Variants in TASOR observed in about 807,000 individuals in gnomAD.
TASOR encodes protein TASOR.
Under a neutral mutation model 178.6 loss-of-function variants are expected in TASOR, and 53 were observed. That is an observed-to-expected ratio of 0.30 (90% confidence interval 0.24 to 0.37). TASOR has a LOEUF of 0.37. TASOR is among the 10% of genes least tolerant of loss of function. The pLI is 1.00. For missense variants in TASOR, 1,815 were observed against 1,971.4 expected (o/e 0.92, Z 1.50); for synonymous variants, 713 against 696.2 (o/e 1.02, Z -0.38).
At chr3:56,650,258 T>G (rs766765561) in intron 11 of TASOR, among the ~76,000 whole-genome samples, 1 of 152,168 alleles carries the variant, frequency 6.6e-6, no homozygotes, top group Non-Finnish European at 1.5e-5. Flanking sequence ...AACTAATAAT[T>G]CAGAGGACAA....
chr3:56,680,066 A>T (rs1264036394), intron 1 of TASOR, among the ~76,000 whole-genome samples: 1 of 152,196 alleles, frequency 6.6e-6, no homozygotes, highest in Non-Finnish European at 1.5e-5. Flanking sequence ...TTTGTTACTA[A>T]CAGGTCAGGT....
chr3:56,642,534 A>C (rs148844837), intron 14 of TASOR, among the ~76,000 whole-genome samples: 1 of 152,334 alleles, frequency 6.6e-6, no homozygotes, highest in Admixed American at 6.5e-5. Context: ...CACAACAAAA[A>C]TAAATGTCAG....
At chr3:56,670,276 T>TTA (rs2030541603) in intron 3 of TASOR, 131 bp from the exon 4 acceptor site, 1 of 509,140 alleles carries the variant, frequency 2.0e-6, no homozygotes, top group African/African-American at 2.0e-5. Flanking sequence ...CACAGAAATC[T>TTA]TATATATTTG....
Position 56,624,517 on chromosome 3 carries a change from G to A in TASOR, c.4445C>T (p.Pro1482Leu). 6.2e-7 allele frequency: 1 copy of A among 1,613,990 alleles called. No individual in the cohort carries two copies. The highest frequency in any genetic ancestry group is 8.5e-7 in the Non-Finnish European group (1 of 1,179,960). The change falls in exon 23 of 24, where the codon CCA becomes CTA. Residue 1482 changes from proline (P) to leucine (L), a missense_variant. By Grantham distance (98) the Pro-to-Leu change is moderately conservative. Around this residue, in one of 5 missense-constraint regions of TASOR, gnomAD observed 278 missense variants for 257.1 expected, o/e 1.08. Coordinates refer to ENST00000683822, the MANE Select transcript of TASOR (RefSeq NM_001365635.2). ...AAGATTCTCATTAGCACCAAGCTGT[G>A]GAAGGTTTTCTTCTGTGATTGAATT... ...YHNSITEENL[P>L]QLGANENLES...
chr3:56,621,575 C>G lies in TASOR; in HGVS notation c.*1462G>C. The G allele has an allele frequency of 6.2e-7, 1 of 1,602,050 alleles. No individual in the cohort carries two copies. Among genetic ancestry groups the G allele is most frequent in the Non-Finnish European group, 8.5e-7 (1 of 1,174,636 alleles). ...AAGGAGTTGGAAAGTAGTCTCCTGC[C>G]TTTAGCTGAAAATCAAGAAGAGAGT... On this transcript the variant is annotated 3_prime_UTR_variant, in exon 24 of 24. Transcript: ENST00000683822.
intron 1 of TASOR, 135 bp downstream of exon 1, chr3:56,682,541 G>A (rs1044864896): frequency 2.5e-6 from 2 of 802,714 alleles, no homozygotes; most frequent in Non-Finnish European, 3.6e-6. Flanking sequence ...CGGCCGTGGC[G>A]GTGAGGGGAG....
At chr3:56,677,926 G>A (rs1479035830) in intron 1 of TASOR, among the ~76,000 whole-genome samples, 1 of 152,016 alleles carries the variant, frequency 6.6e-6, no homozygotes, top group Non-Finnish European at 1.5e-5. Context: ...TTATTTGATC[G>A]ATTTCCATTA....
intron 18 of TASOR, among the ~76,000 whole-genome samples, chr3:56,631,169 T>TA (rs1413144919): frequency 1.3e-5 from 2 of 152,174 alleles, no homozygotes; most frequent in Non-Finnish European, 2.9e-5. Context: ...AAGAAACCAT[T>TA]AGCAATCAGT....
At chr3:56,656,780 G>A (rs2077479315) in intron 11 of TASOR, among the ~76,000 whole-genome samples, 1 of 151,984 alleles carries the variant, frequency 6.6e-6, no homozygotes, top group Non-Finnish European at 1.5e-5. Context: ...GGGAGGTCGA[G>A]GCAGGCAGAT....
At chr3:56,664,600 CAT>C (rs372838118) in intron 7 of TASOR, among the ~76,000 whole-genome samples, 56 of 152,304 alleles carry the variant, frequency 3.7e-4, no homozygotes, top group African/African-American at 1.3e-3. Flanking sequence ...CAAAAATGTA[CAT>C]ATATGTTTCA....
chr3:56,673,273 G>C (rs535840653), intron 2 of TASOR, among the ~76,000 whole-genome samples: 57 of 151,962 alleles, frequency 3.8e-4, no homozygotes, highest in African/African-American at 1.4e-3. Context: ...TTTAAAACTT[G>C]TTTTCCCAAT....
rs763050918 is a variant in TASOR, at chr3:56,633,821, C to T, written c.2970G>A (p.Glu990=). ...CCACCTGACCTGTCAACACGTCATC[C>T]TCAGTGGTGCCCTTTAGTGTGTCTG... The part of the protein sequence containing the change: ...PFTDTLKGTT[E]DDVLTGQVEE... The change falls in exon 18 of 24, where the codon GAG becomes GAA. Residue 990 remains glutamate, a synonymous_variant. Transcript: ENST00000683822. 5.6e-6 allele frequency: 9 copies of T among 1,614,048 alleles called. No homozygotes were observed. The East Asian group carries it at 1.6e-4, about 28-fold the overall frequency.
chr3:56,636,178 C>T (rs995869405), intron 17 of TASOR, among the ~76,000 whole-genome samples: 1 of 151,182 alleles, frequency 6.6e-6, no homozygotes, highest in Non-Finnish European at 1.5e-5. Flanking sequence ...GGCGTGGTGG[C>T]GAGCACCTGT....
chr3:56,669,360 G>A (rs959077880), intron 5 of TASOR, among the ~76,000 whole-genome samples: 1 of 151,986 alleles, frequency 6.6e-6, no homozygotes, highest in African/African-American at 2.4e-5. Context: ...AAAATTAGCC[G>A]GGCTTGGTGG....
chr3:56,666,589 G>T lies in TASOR; in HGVS notation c.898-205C>A, dbSNP rs138899107. ...AAATATTCTGCATCTAAGTGCGTAA[G>T]ATCCCAGAGTATTACTAACTATTCC... On this transcript the variant is annotated intron_variant, in intron 6 of 23. Transcript: ENST00000683822. Among the ~76,000 whole-genome samples the T allele has an allele frequency of 7.1e-3, 1,082 of 152,162 alleles. 12 individuals are homozygous for T. The highest frequency in any genetic ancestry group is 0.025 in the African/African-American group (1,026 of 41,516).
At position 56,682,815 on chromosome 3, in the gene TASOR, C is replaced by T. The variant is rs772529606; in HGVS notation, c.192G>A (p.Glu64=). ...GCTCGTGGCTGAGGCTCTGGGCGGC[C>T]TCGGCCCCCGCGTTCTCCTCACGCC... is the stretch of plus-strand genomic sequence containing the variant. ...GAGREENAGA[E]AAQSLSHEQP... Residue 64 remains glutamate, a synonymous_variant, in exon 1 of 24, where the codon GAG becomes GAA. Transcript: ENST00000683822. 5 of 1,550,432 alleles carry T rather than the reference C, an allele frequency of 3.2e-6. No individual in the cohort carries two copies. The South Asian group carries it at 4.8e-5, about 15-fold the overall frequency.
At chr3:56,665,381 A>C (rs1218831199) in intron 7 of TASOR, among the ~76,000 whole-genome samples, 1 of 152,022 alleles carries the variant, frequency 6.6e-6, no homozygotes, top group Non-Finnish European at 1.5e-5. Flanking sequence ...ATACAGACGA[A>C]GTCTTGCTCT....
chr3:56,666,418 A>G (rs2029979572), intron 6 of TASOR, 34 bp from the exon 7 acceptor site: 1 of 1,434,938 alleles, frequency 7.0e-7, no homozygotes, highest in Non-Finnish European at 9.2e-7. Flanking sequence ...TAACTTCTTT[A>G]AAAAGGCAAG....
chr3:56,647,328 A>G (rs2077256119), intron 13 of TASOR, 105 bp from the exon 14 acceptor site: 1 of 880,078 alleles, frequency 1.1e-6, no homozygotes, highest in Non-Finnish European at 1.7e-6. Flanking sequence ...ACATTTATAC[A>G]TTAATGTTGA....
Sources: allele counts gnomAD v4.1 joint callset (sites outside exome capture counted in the v4.1 genomes callset), GRCh38; gene constraint gnomAD v4.1.1; regional missense constraint gnomAD v4.1.1; transcripts MANE v1.5; gene names NCBI Gene and HGNC (gene_info 2026-07-23, HGNC 2026-07-21).